Variants in ATAD2B observed in about 807,000 individuals in gnomAD.
ATAD2B encodes ATPase family AAA domain containing 2B.
A neutral mutation model predicts 167.6 loss-of-function variants in ATAD2B; 40 were observed. The ratio of observed to expected loss-of-function variants is 0.24; its 90% confidence interval spans 0.19 to 0.31. The LOEUF is 0.31. ATAD2B is among the 10% of genes least tolerant of loss of function. The probability of loss-of-function intolerance (pLI) is 1.00; values close to 1 mark genes in which losing one functional copy is unlikely to be tolerated. For synonymous variants in ATAD2B, 579 were observed against 596.5 expected, an observed-to-expected ratio of 0.97 and a Z score of 0.43; for missense variants, 1,242 against 1,757.2, an observed-to-expected ratio of 0.71 and a Z score of 5.24.
the ATAD2B span, among the ~76,000 whole-genome samples, chr2:23,685,088 C>T: frequency 6.6e-6 from 1 of 152,230 alleles, no homozygotes; most frequent in Non-Finnish European, 1.5e-5. Flanking sequence ...GGCCACACTG[C>T]ATGTCTGATC....
chr2:23,691,794 C>A, the ATAD2B span: 1 of 1,551,704 alleles, frequency 6.4e-7, no homozygotes, highest in East Asian at 2.4e-5. Context: ...TGGTCATCGA[C>A]TCGGCCAACG....
intron 21 of ATAD2B, among the ~76,000 whole-genome samples, chr2:23,784,111 T>A (rs563678851): frequency 1.3e-5 from 2 of 152,190 alleles, no homozygotes; most frequent in East Asian, 3.9e-4. Context: ...CAGAAGATAT[T>A]AGCTGGATTC....
At chr2:23,752,515 T>G (rs1471303372) in intron 27 of ATAD2B, among the ~76,000 whole-genome samples, 5 of 150,550 alleles carry the variant, frequency 3.3e-5, no homozygotes, top group Admixed American at 2.0e-4. Context: ...ATAATTTATA[T>G]ATATAGTTTT....
downstream of ATAD2B, among the ~76,000 whole-genome samples, chr2:23,745,415 A>AGGGAAGGGAAGGGAAGGGAAG (rs1553367894): frequency 3.1e-5 from 3 of 96,126 alleles, no homozygotes; most frequent in African/African-American, 8.0e-5. Flanking sequence ...GAAGGAAGGA[A>AGGGAAGGGAAGGGAAGGGAAG]GGAAGGAAAG....
intron 12 of ATAD2B, among the ~76,000 whole-genome samples, chr2:23,861,465 C>A (rs1441314726): frequency 6.9e-6 from 1 of 144,386 alleles, no homozygotes. Context: ...CTTAGGAATG[C>A]AGAATCTTTC....
chr2:23,841,652 A>G (rs887158849), intron 13 of ATAD2B, among the ~76,000 whole-genome samples: 1 of 152,044 alleles, frequency 6.6e-6, no homozygotes, highest in Admixed American at 6.5e-5. Context: ...AGTAGGTGGG[A>G]CCAGATACAC....
At chr2:23,760,749 CAT>C (rs1271914588) in intron 24 of ATAD2B, among the ~76,000 whole-genome samples, 29 of 107,966 alleles carry the variant, frequency 2.7e-4, no homozygotes, top group Middle Eastern at 5.5e-3. Flanking sequence ...CACACACACA[CAT>C]ACACACACAC....
chr2:23,913,977 C>A (rs1481404457), intron 1 of ATAD2B, among the ~76,000 whole-genome samples: 1 of 151,964 alleles, frequency 6.6e-6, no homozygotes, highest in Non-Finnish European at 1.5e-5. Flanking sequence ...AAAAAAACCA[C>A]ACCAGTATGG....
chr2:23,723,663 G>GT, the ATAD2B span, among the ~76,000 whole-genome samples: 1 of 152,184 alleles, frequency 6.6e-6, no homozygotes. Context: ...CACACCATTG[G>GT]TGGGAATGCA....
chr2:23,899,118 A>G (rs746884834), intron 1 of ATAD2B, among the ~76,000 whole-genome samples: 1 of 152,238 alleles, frequency 6.6e-6, no homozygotes, highest in Non-Finnish European at 1.5e-5. Context: ...ATTGCACTCC[A>G]GCCTGGGCAA....
chr2:23,808,091 A>AATTATATATATAAGTAATTATATATATAT (rs1444497686), intron 18 of ATAD2B, among the ~76,000 whole-genome samples: 1 of 134,934 alleles, frequency 7.4e-6, no homozygotes, highest in African/African-American at 2.8e-5. Flanking sequence ...TTATATATAT[A>AATTATATATATAAGTAATTATATATATAT]ATTATATATA....
chr2:23,913,534 G>A (rs1414571838), intron 1 of ATAD2B, among the ~76,000 whole-genome samples: 2 of 151,948 alleles, frequency 1.3e-5, no homozygotes, highest in African/African-American at 2.4e-5. Flanking sequence ...CAGCTACTTG[G>A]GAGGCTGAAG....
At chr2:23,716,228 TA>T in the ATAD2B span, among the ~76,000 whole-genome samples, 1 of 152,348 alleles carries the variant, frequency 6.6e-6, no homozygotes, top group East Asian at 1.9e-4. Context: ...TCCCATATTA[TA>T]GACACATGAC....
At chr2:23,866,361 C>A (rs918265337) in intron 10 of ATAD2B, among the ~76,000 whole-genome samples, 3 of 152,196 alleles carry the variant, frequency 2.0e-5, no homozygotes, top group South Asian at 2.1e-4. Flanking sequence ...GCTGAGATTG[C>A]GCCATTGTAC....
the ATAD2B span, chr2:23,693,337 C>T: frequency 4.5e-6 from 7 of 1,551,382 alleles, no homozygotes; most frequent in African/African-American, 1.4e-5. Context: ...GTGCAGCGAG[C>T]TCTACCACAT....
At chr2:23,865,460 C>T (rs1299647514) in intron 10 of ATAD2B, among the ~76,000 whole-genome samples, 2 of 149,304 alleles carry the variant, frequency 1.3e-5, no homozygotes, top group Admixed American at 6.8e-5. Flanking sequence ...TCCTGGGAGG[C>T]GGAGGTTGCA....
chr2:23,738,754 C>A, the ATAD2B span, among the ~76,000 whole-genome samples: 4 of 152,100 alleles, frequency 2.6e-5, no homozygotes, highest in Admixed American at 2.6e-4. Flanking sequence ...CACAGACTGG[C>A]AAATTGGATA....
intron 18 of ATAD2B, among the ~76,000 whole-genome samples, chr2:23,807,748 G>A (rs958878279): frequency 4.2e-4 from 62 of 148,918 alleles, no homozygotes; most frequent in Non-Finnish European, 5.6e-4. Flanking sequence ...CCCAGGAGGC[G>A]GAGGTTGCAG....
chr2:23,728,738 C>G, the ATAD2B span, among the ~76,000 whole-genome samples: 1 of 152,132 alleles, frequency 6.6e-6, no homozygotes, highest in South Asian at 2.1e-4. Context: ...TGGGTTAATT[C>G]TTATTTAGCT....
Sources: gnomAD v4.1 joint callset for allele counts (sites outside exome capture counted in the v4.1 genomes callset) on GRCh38, gnomAD v4.1.1 for gene constraint, MANE v1.5 for transcripts, NCBI Gene and HGNC (gene_info 2026-07-23, HGNC 2026-07-21) for gene names.